The following NKAIN4 variants were observed in gnomAD, a reference collection of about 807,000 sequenced individuals.
The protein encoded by NKAIN4 is sodium/potassium-transporting ATPase subunit beta-1-interacting protein 4.
NKAIN4 carries 28 observed loss-of-function variants against 28.8 expected under a neutral mutation model. The ratio of observed to expected loss-of-function variants is 0.97; its 90% CI spans 0.72 to 1.33. The LOEUF is 1.33. Ranked by LOEUF, NKAIN4 falls within the 40% of genes most tolerant of loss-of-function variation. The probability of loss-of-function intolerance (pLI) is 0.00; values close to 1 mark genes in which losing one functional copy is unlikely to be tolerated. For synonymous variants in NKAIN4, 122 were observed against 115.6 expected, an observed-to-expected ratio of 1.06 and a Z score of -0.36; for missense variants, 289 against 277.2, an observed-to-expected ratio of 1.04 and a Z score of -0.30.
upstream of NKAIN4, chr20:63,254,649 TG>T (rs1264602655): frequency 1.5e-5 from 5 of 332,834 alleles, no homozygotes; most frequent in Admixed American, 5.5e-5. Context: ...CTGCGGCCCC[TG>T]GGGGCTTCGC....
rs201793448 is a variant in NKAIN4, at chr20:63,248,823, G to A, written c.265C>T (p.Leu89Phe). ...IICFYLEVGG[L>F]LKDSELLTFS... is the part of the protein sequence containing the mutation. ...TCCCAGTCTGCACTCACCTTTAAGAGGCCACCGACTTCCAGGTAGAAGCAG... is the reference window on the plus strand; with the variant it reads ...TCCCAGTCTGCACTCACCTTTAAGAAGCCACCGACTTCCAGGTAGAAGCAG... Residue 89 changes from leucine (L) to phenylalanine (F), a missense_variant, in exon 3 of 7, where the codon CTC becomes TTC. Physicochemically the swap from Leu to Phe is conservative, Grantham distance 22 (BLOSUM62 0). Transcript: ENST00000370316. 20 of 1,611,576 alleles carry A rather than the reference G, an allele frequency of 1.2e-5. No individual in the cohort carries two copies. The East Asian group carries it at 1.6e-4, about 13-fold the overall frequency.
At chr20:63,243,906 G>C in intron 5 of NKAIN4, 118 bp downstream of exon 5, 2 of 794,808 alleles carry the variant, frequency 2.5e-6, no homozygotes, top group Non-Finnish European at 4.2e-6. Flanking sequence ...GGCCCTGCTG[G>C]GCGTGAGGTC....
intron 6 of NKAIN4, 119 bp from the exon 7 acceptor site, chr20:63,241,625 C>T (rs2123042082): frequency 1.1e-6 from 1 of 896,348 alleles, no homozygotes; most frequent in African/African-American, 1.7e-5. Context: ...TGGACGGCTT[C>T]AGGCCTTTGG....
At position 63,249,994 on chromosome 20, in the gene NKAIN4, T is replaced by C. The variant is rs756633027; in HGVS notation, c.133A>G (p.Ile45Val). The C allele has an allele frequency of 2.7e-5, 43 of 1,612,864 alleles. No homozygotes were observed. The highest frequency in any genetic ancestry group is 1.1e-5 in the South Asian group (1 of 91,014). The change falls in exon 2 of 7, where the codon ATC becomes GTC. Residue 45 changes from isoleucine (I) to valine (V), a missense_variant. Ile to Val is a conservative substitution (Grantham distance 29). Coordinates refer to ENST00000370316, the MANE Select transcript of NKAIN4 (RefSeq NM_152864.4). ...APILANFVHI[I>V]IVILGLFGTI... ...CCGAAGAGTCCCAGGATGACGATGATGATGTGGACAAAGTTGGCCAGGATG... is the reference window on the plus strand; with the variant it reads ...CCGAAGAGTCCCAGGATGACGATGACGATGTGGACAAAGTTGGCCAGGATG...
In NKAIN4 at chr20:63,247,666, TG is replaced by T; in HGVS notation, c.382del (p.His128MetfsTer28). 6.5e-7 allele frequency: 1 copy of T among 1,545,530 alleles called. No individual in the cohort carries two copies. The highest frequency in any genetic ancestry group is 8.7e-7 in the Non-Finnish European group (1 of 1,144,316). Reference protein sequence around the residue: ...EVPAVGLGAPHGQALVSGAGC... With the variant: ...EVPAVGLGAPXGQALVSGAGC... Reference sequence around the variant, plus strand: ...AGCACCTGACACCAGGGCCTGGCCATGGGGGGCCCCGAGGCCCACTGCTGGC... The same window carrying T: ...AGCACCTGACACCAGGGCCTGGCCATGGGGGCCCCGAGGCCCACTGCTGGC... On this transcript the variant is annotated frameshift_variant, in exon 4 of 7. Transcript: ENST00000370316. LOFTEE classifies it high-confidence loss of function.
At chr20:63,254,043 G>C (rs1160091661) in intron 1 of NKAIN4, 2 of 257,892 alleles carry the variant, frequency 7.8e-6, no homozygotes, top group African/African-American at 4.7e-5. Context: ...ACCCGGGGGC[G>C]CACCCGGGGC....
At chr20:63,253,854 C>CGGGT (rs1568715590) in intron 1 of NKAIN4, 9 of 121,932 alleles carry the variant, frequency 7.4e-5, no homozygotes, top group South Asian at 4.6e-4. Flanking sequence ...CGGGGGCGGG[C>CGGGT]GGGGCCGGTT....
chr20:63,248,899 G>T lies in NKAIN4; in HGVS notation c.193-4C>A. ...AGACGGCTGCCCACAGCGTGTACTA[G>T]GGAGAGGAGAGGATGGGGCGGCAGC... On this transcript the variant is annotated splice_region_variant and splice_polypyrimidine_tract_variant and intron_variant, in intron 2 of 6. Transcript: ENST00000370316. 1 of 1,608,804 alleles carries T rather than the reference G, an allele frequency of 6.2e-7. No individual in the cohort carries two copies. The highest frequency in any genetic ancestry group is 1.1e-5 in the South Asian group (1 of 90,968).
chr20:63,250,248 C>T (rs1031319732), intron 1 of NKAIN4, among the ~76,000 whole-genome samples, 176 bp from the exon 2 acceptor site: 35 of 152,186 alleles, frequency 2.3e-4, no homozygotes, highest in Non-Finnish European at 4.6e-4. Flanking sequence ...TGACCACCAC[C>T]GAGCAGGCAC....
At chr20:63,247,914 C>T in intron 3 of NKAIN4, 139 bp from the exon 4 acceptor site, 1 of 1,234,060 alleles carries the variant, frequency 8.1e-7, no homozygotes, top group Non-Finnish European at 1.1e-6. Flanking sequence ...CCACTGCACC[C>T]CGCCCCCAGG....
intron 1 of NKAIN4, among the ~76,000 whole-genome samples, chr20:63,251,130 G>T (rs1316844055): frequency 6.6e-6 from 1 of 152,056 alleles, no homozygotes; most frequent in Non-Finnish European, 1.5e-5. Context: ...TGGCCAGGGG[G>T]CCCTTGCCTG....
In NKAIN4 at chr20:63,241,017, G is replaced by A. The variant is rs2066740762; in HGVS notation, c.*480C>T. 6.0e-6 allele frequency: 1 copy of A among 167,448 alleles called. No homozygotes were observed. The highest frequency in any genetic ancestry group is 5.8e-5 in the Admixed American group (1 of 17,356). The allele number at this position is 167,448 out of a possible 1,614,324, so 10.4% of individuals were successfully genotyped here. ...GGGGTTCTTCTGGCACGAGTTTGGGGTTAGGAACCCTCCATGTTCAACAGG... is the reference window on the plus strand; with the variant it reads ...GGGGTTCTTCTGGCACGAGTTTGGGATTAGGAACCCTCCATGTTCAACAGG... On this transcript the variant is annotated 3_prime_UTR_variant, in exon 7 of 7. Coordinates refer to ENST00000370316, the MANE Select transcript of NKAIN4 (RefSeq NM_152864.4).
At chr20:63,248,304 G>A (rs80345453) in intron 3 of NKAIN4, 5,414 of 168,206 alleles carry the variant, frequency 0.032, 302 homozygotes, top group African/African-American at 0.12. Flanking sequence ...AAACAGCCTC[G>A]GTCAGGGTGG....
intron 2 of NKAIN4, chr20:63,249,224 C>T (rs964117405): frequency 8.3e-6 from 3 of 363,604 alleles, no homozygotes; most frequent in East Asian, 6.4e-5. Context: ...TGACATTACA[C>T]GTGGACAGCA....
chr20:63,243,887 C>A (rs914749794), intron 5 of NKAIN4, 137 bp downstream of exon 5: 1 of 694,618 alleles, frequency 1.4e-6, no homozygotes. Context: ...GGCCTACGGC[C>A]GTGAGCAAGG....
intron 4 of NKAIN4, among the ~76,000 whole-genome samples, chr20:63,246,039 T>G (rs548464710): frequency 6.6e-6 from 1 of 152,040 alleles, no homozygotes. Flanking sequence ...GCCATTCTCC[T>G]GCTTCAGCCT....
intron 4 of NKAIN4, among the ~76,000 whole-genome samples, chr20:63,244,698 C>G (rs983046852): frequency 6.6e-6 from 1 of 152,162 alleles, no homozygotes; most frequent in African/African-American, 2.4e-5. Context: ...GAGGGCAGGC[C>G]GCTGCAAAGC....
rs972624360 is a variant in NKAIN4 at position 63,246,718 on chromosome 20, C to T, written c.471+860G>A. The T allele has an allele frequency of 2.7e-5, 27 of 985,470 alleles. No individual in the cohort carries two copies. In the East Asian group the frequency reaches 2.0e-3, roughly 75 times the overall value. The allele number at this position is 985,470 out of a possible 1,614,324, so 61.0% of individuals were successfully genotyped here. On this transcript the variant is annotated intron_variant, in intron 4 of 6. Coordinates refer to ENST00000370316, the MANE Select transcript of NKAIN4 (RefSeq NM_152864.4). ...AAGTTCCTCCAGCGACGGCACCAGC[C>T]GTGCTGCAGTCACATTGGCCCTGCC... is the stretch of plus-strand genomic sequence containing the variant.
chr20:63,249,873 G>A, intron 2 of NKAIN4, 62 bp downstream of exon 2: 1 of 1,518,660 alleles, frequency 6.6e-7, no homozygotes. Context: ...GGTGCCATGG[G>A]AGCCGCCATC....
Sources: gnomAD v4.1 joint callset for allele counts (sites outside exome capture counted in the v4.1 genomes callset) on GRCh38, gnomAD v4.1.1 for gene constraint, MANE v1.5 for transcripts, NCBI Gene and HGNC (gene_info 2026-07-23, HGNC 2026-07-21) for gene names.